The following TOX2 variants were observed in gnomAD, a reference collection of about 807,000 sequenced individuals.
TOX2 encodes granulosa cell HMG box 1.
TOX2 carries 15 observed loss-of-function variants against 47.4 expected under a neutral mutation model. The observed-to-expected ratio is 0.32, with a 90% CI of 0.21 to 0.49. The LOEUF is 0.49. Among genes scored for constraint, TOX2 ranks in the 20% least tolerant of loss-of-function variants. The probability of loss-of-function intolerance (pLI) is 0.99; values close to 1 mark genes in which losing one functional copy is unlikely to be tolerated. For synonymous variants in TOX2, 290 were observed against 296.6 expected, an observed-to-expected ratio of 0.98 and a Z score of 0.23; for missense variants, 622 against 673.1, an observed-to-expected ratio of 0.92 and a Z score of 0.84.
chr20:43,940,844 C>G (rs1036422660), intron 1 of TOX2, among the ~76,000 whole-genome samples: 8 of 152,178 alleles, frequency 5.3e-5, no homozygotes, highest in Non-Finnish European at 8.8e-5. Context: ...ACTTCCCTTG[C>G]GTGAGATTTG....
At chr20:44,046,127 G>A (rs1209661705) in intron 3 of TOX2, among the ~76,000 whole-genome samples, 1 of 152,142 alleles carries the variant, frequency 6.6e-6, no homozygotes, top group African/African-American at 2.4e-5. Flanking sequence ...CCTACACACT[G>A]TTTACACTTA....
intron 2 of TOX2, among the ~76,000 whole-genome samples, chr20:43,995,306 G>C (rs117660089): frequency 2.8e-4 from 43 of 152,076 alleles, no homozygotes; most frequent in African/African-American, 9.9e-4. Flanking sequence ...AATTTGACTC[G>C]GTCATTATGG....
intron 1 of TOX2, among the ~76,000 whole-genome samples, chr20:43,968,625 T>G (rs773038616): frequency 5.9e-5 from 9 of 152,192 alleles, no homozygotes; most frequent in Non-Finnish European, 1.2e-4. Flanking sequence ...TGCAAAAATG[T>G]GGGTTCTTTC....
chr20:43,946,502 G>A (rs995144508), intron 1 of TOX2, among the ~76,000 whole-genome samples: 6 of 152,174 alleles, frequency 3.9e-5, no homozygotes, highest in South Asian at 2.1e-4. Context: ...AGCTGAGGAC[G>A]TCACCAGGAA....
chr20:43,979,184 A>G (rs766402998), intron 2 of TOX2, among the ~76,000 whole-genome samples: 29 of 152,346 alleles, frequency 1.9e-4, no homozygotes, highest in Non-Finnish European at 3.4e-4. Context: ...TCAAGTAGAT[A>G]GATGATGGTA....
intron 1 of TOX2, among the ~76,000 whole-genome samples, chr20:43,953,651 G>A (rs192233884): frequency 5.3e-5 from 8 of 152,288 alleles, no homozygotes; most frequent in Admixed American, 3.9e-4. Context: ...CTCAGTTGGC[G>A]GGAGAGTAGA....
chr20:44,019,071 A>C (rs958288416), intron 3 of TOX2, among the ~76,000 whole-genome samples: 2 of 152,178 alleles, frequency 1.3e-5, no homozygotes, highest in Non-Finnish European at 2.9e-5. Flanking sequence ...GGTGTCTGAA[A>C]AAGGTTTGTT....
intron 1 of TOX2, among the ~76,000 whole-genome samples, chr20:43,925,699 G>A (rs1173595028): frequency 6.6e-6 from 1 of 152,224 alleles, no homozygotes; most frequent in African/African-American, 2.4e-5. Context: ...AGGCTTCGCT[G>A]TCAGTCTGTT....
At chr20:43,945,601 G>A (rs1277806488) in intron 1 of TOX2, 4 of 320,808 alleles carry the variant, frequency 1.2e-5, no homozygotes, top group South Asian at 3.1e-5. Context: ...CCAAGGCAGC[G>A]TGTGTGAGTG....
rs1443488349 is a variant in TOX2, at chr20:44,065,971, C to T, written c.1220C>T (p.Ser407Leu). ...PLSPTLHQQL[S>L]LPPHAQGALL... ...AGCCCCACACTGCACCAGCAGCTGT[C>T]ACTGCCCCCTCACGCCCAGGGCGCC... The change falls in exon 7 of 9, where the codon TCA becomes TTA. Residue 407 changes from serine (S) to leucine (L), a missense_variant. Physicochemically the swap from Ser to Leu is moderately radical, Grantham distance 145. This residue lies in a region of TOX2 where 294 missense variants were observed against 300.0 expected (regional missense o/e 0.98). Transcript: ENST00000341197. 1.2e-6 allele frequency: 2 copies of T among 1,613,334 alleles called. No individual in the cohort carries two copies. The highest frequency in any genetic ancestry group is 1.7e-6 in the Non-Finnish European group (2 of 1,179,898).
intron 1 of TOX2, among the ~76,000 whole-genome samples, chr20:43,934,597 C>T (rs569069838): frequency 6.6e-5 from 10 of 151,826 alleles, no homozygotes; most frequent in African/African-American, 2.4e-4. Flanking sequence ...GGCAGAGGCT[C>T]GTGTAGAGGG....
chr20:43,916,104 G>A lies in TOX2; in HGVS notation c.99+1114G>A, dbSNP rs896191611. On this transcript the variant is annotated intron_variant, in intron 1 of 8. Transcript: ENST00000341197. This position sits in a 1 kb window ranked among gnomAD's most constrained non-coding sequence, Gnocchi z 5.0. ...CAGTCGGTGCGTCGGTCCCGGGCCG[G>A]CTGGAGCCAAGCGCGGGTTTTCGTC... 2.8e-5 allele frequency: 28 copies of A among 985,056 alleles called. No homozygotes were observed. The highest frequency in any genetic ancestry group is 3.4e-5 in the Non-Finnish European group (28 of 829,660). 61.0% of individuals were successfully genotyped at this position (985,056 alleles called of 1,614,324 possible).
At chr20:43,991,636 A>G (rs150665397) in intron 2 of TOX2, among the ~76,000 whole-genome samples, 52 of 97,734 alleles carry the variant, frequency 5.3e-4, no homozygotes, top group African/African-American at 2.5e-3. Flanking sequence ...TATTATTATT[A>G]TTATTATTAT....
intron 3 of TOX2, among the ~76,000 whole-genome samples, chr20:44,019,829 C>T (rs116510719): frequency 0.011 from 1,637 of 152,300 alleles, 9 homozygotes; most frequent in Middle Eastern, 0.034. Context: ...ACTTTCCTTC[C>T]GGCCTCACTT....
intron 2 of TOX2, among the ~76,000 whole-genome samples, chr20:43,981,454 T>C (rs2070167073): frequency 6.6e-6 from 1 of 152,204 alleles, no homozygotes; most frequent in Non-Finnish European, 1.5e-5. Flanking sequence ...TTTGATTAAA[T>C]AACCTTGGAA....
At chr20:44,051,588 C>A (rs369771762) in intron 4 of TOX2, 43 bp downstream of exon 4, 4 of 1,530,176 alleles carry the variant, frequency 2.6e-6, no homozygotes, top group South Asian at 2.6e-5. Flanking sequence ...GCCCTCCTGT[C>A]GGCAGGGAAG....
chr20:43,961,773 G>A (rs2069761629), intron 1 of TOX2, among the ~76,000 whole-genome samples: 1 of 152,094 alleles, frequency 6.6e-6, no homozygotes, highest in South Asian at 2.1e-4. Context: ...GGGGACGTGG[G>A]GAGTGCCGGT....
chr20:43,998,582 A>C (rs998410147), intron 2 of TOX2, among the ~76,000 whole-genome samples: 2 of 152,132 alleles, frequency 1.3e-5, no homozygotes, highest in Admixed American at 6.5e-5. Flanking sequence ...TTTACATAAA[A>C]ATTTGTCATT....
In TOX2 at chr20:44,026,244, TATATAGAC is replaced by T. The variant is rs1450447418; in HGVS notation, c.411+19454_411+19461del. Among the ~76,000 whole-genome samples, 35 of 101,674 alleles carry T rather than the reference TATATAGAC, an allele frequency of 3.4e-4. 5 individuals are homozygous for T. The highest frequency in any genetic ancestry group is 5.8e-4 in the Non-Finnish European group (29 of 50,390). The allele number at this position is 101,674 out of a possible 152,430, so 66.7% of individuals were successfully genotyped here. The stretch of plus-strand genomic sequence containing the variant: ...AGAAACTGTGATATATATATATATA[TATATAGAC>T]ACACACACACACAATGGAATACTAC... On this transcript the variant is annotated intron_variant, in intron 3 of 8. Coordinates refer to ENST00000341197, the MANE Select transcript of TOX2 (RefSeq NM_001098797.2).
Sources: gnomAD v4.1 joint callset for allele counts (sites outside exome capture counted in the v4.1 genomes callset) on GRCh38, gnomAD v4.1.1 for gene constraint, gnomAD v4.1.1 regional missense constraint, Gnocchi (gnomAD v3.1) non-coding constraint, MANE v1.5 for transcripts, NCBI Gene and HGNC (gene_info 2026-07-23, HGNC 2026-07-21) for gene names.